COIL: variants seen among roughly 807,000 people sequenced by gnomAD.
COIL encodes coilin, also known as coilin p80.
A neutral mutation model predicts 51.6 loss-of-function variants in COIL; 28 were observed. That is an observed-to-expected ratio of 0.54 (90% confidence interval 0.40 to 0.74). The LOEUF is 0.74. COIL is among the 30% of genes least tolerant of loss of function. The pLI, the probability that COIL is intolerant of heterozygous loss-of-function variation, is 0.00. For synonymous variants in COIL, 233 were observed against 255.8 expected (o/e 0.91, Z 0.85); for missense variants, 667 against 685.9 (o/e 0.97, Z 0.31).
chr17:56,942,143 A>T lies in COIL; in HGVS notation c.1559-20T>A, dbSNP rs1274857852. 6.4e-7 allele frequency: 1 copy of T among 1,572,174 alleles called. No homozygotes were observed. Among genetic ancestry groups the T allele is most frequent in the Non-Finnish European group, 8.8e-7 (1 of 1,141,646 alleles). On this transcript the variant is annotated intron_variant, in intron 5 of 6. Transcript: ENST00000240316. ...TCAAGGCTGAAACAAGAAGATAGGG[A>T]GGAAAGAGAGTAAGTCATTTTTCAA...
At chr17:56,946,772 T>C (rs1772586479) in intron 4 of COIL, among the ~76,000 whole-genome samples, 1 of 152,180 alleles carries the variant, frequency 6.6e-6, no homozygotes, top group East Asian at 1.9e-4. Context: ...AGACACTATC[T>C]TAAATAACTC....
Position 56,950,367 on chromosome 17 carries a change from T to C in COIL, c.875A>G (p.Asp292Gly). 1.2e-6 allele frequency: 2 copies of C among 1,614,242 alleles called. No individual in the cohort carries two copies. Among genetic ancestry groups the C allele is most frequent in the Non-Finnish European group, 1.7e-6 (2 of 1,180,054 alleles). The change falls in exon 2 of 7, where the codon GAC becomes GGC. Residue 292 changes from aspartate to glycine, a missense_variant. Transcript: ENST00000240316. ...AAAGCCAAGTTTTATAGCCAGTTTG[T>C]CTGCAGTTGTATTTTTGGTAGAGGG... The part of the protein sequence containing the change: ...EEPSTKNTTA[D>G]KLAIKLGFSL...
chr17:56,952,883 G>A (rs1336440080), intron 1 of COIL, among the ~76,000 whole-genome samples: 2 of 152,072 alleles, frequency 1.3e-5, no homozygotes, highest in African/African-American at 4.8e-5. Context: ...AAGCAATTTT[G>A]TTCCTCCATC....
chr17:56,949,391 T>C lies in COIL; in HGVS notation c.1484A>G (p.Tyr495Cys). The C allele has an allele frequency of 6.3e-7, 1 of 1,590,508 alleles. No individual in the cohort carries two copies. The highest frequency in any genetic ancestry group is 8.5e-7 in the Non-Finnish European group (1 of 1,174,754). Residue 495 changes from tyrosine to cysteine, a missense_variant, in exon 4 of 7, where the codon TAC (tyrosine) becomes TGC (cysteine). Tyr to Cys is a radical substitution (Grantham distance 194). Coordinates refer to ENST00000240316, the MANE Select transcript of COIL (RefSeq NM_004645.3). ...TSSYSPDVSD[Y>C]KEGRILSHNP... ...CTTTTAAATAAACATCCTTACCTTG[T>C]AGTCAGAGACATCAGGAGAGTAACT...
At chr17:56,941,423 A>G (rs1331331805) in intron 6 of COIL, 1 of 152,308 alleles carries the variant, frequency 6.6e-6, no homozygotes, top group Non-Finnish European at 1.5e-5. Context: ...TATAAAAATT[A>G]GCTGGGTGAG....
At chr17:56,946,416 T>C (rs748634649) in intron 5 of COIL, 26 bp downstream of exon 5, 209 of 1,495,596 alleles carry the variant, frequency 1.4e-4, no homozygotes, top group Non-Finnish European at 1.9e-4. Flanking sequence ...AGCCTACATT[T>C]TCAAATTATT....
In COIL at chr17:56,960,794, T is replaced by A; in HGVS notation, c.226A>T (p.Arg76Ter). 2 of 1,587,028 alleles carry A rather than the reference T, an allele frequency of 1.3e-6. No homozygotes were observed. Among genetic ancestry groups the A allele is most frequent in the Non-Finnish European group, 1.7e-6 (2 of 1,167,466 alleles). The change falls in exon 1 of 7, where the codon AGA (arginine) becomes TGA (stop). Residue 76 changes from arginine to a stop codon, truncating the protein, a stop_gained. Transcript: ENST00000240316. LOFTEE classifies it high-confidence loss of function. Reference sequence around the variant, plus strand: ...GCGCACCTGAGGCAGTCGTTGTCTCTCACAAGGCGCGCGCTCTCGGCGGGG... The same window carrying A: ...GCGCACCTGAGGCAGTCGTTGTCTCACACAAGGCGCGCGCTCTCGGCGGGG... ...LPPAESARLV[R>*]DNDCLRVKLE...
rs765846244 is a variant in COIL, at chr17:56,950,350, G to C, written c.892C>G (p.Leu298Val). The C allele has an allele frequency of 1.2e-6, 2 of 1,614,078 alleles. No homozygotes were observed. The highest frequency in any genetic ancestry group is 1.7e-6 in the Non-Finnish European group (2 of 1,180,050). The change falls in exon 2 of 7, where the codon CTT becomes GTT. Residue 298 changes from leucine (L) to valine (V), a missense_variant. Transcript: ENST00000240316. ...TTGCTGGGGGTAAGGCTAAAGCCAA[G>C]TTTTATAGCCAGTTTGTCTGCAGTT... ...NTTADKLAIKLGFSLTPSKGK... is the reference protein window; with the variant it reads ...NTTADKLAIKVGFSLTPSKGK...
intron 1 of COIL, among the ~76,000 whole-genome samples, chr17:56,954,723 G>T (rs771520366): frequency 5.9e-5 from 9 of 151,788 alleles, no homozygotes; most frequent in Non-Finnish European, 1.2e-4. Context: ...TGTAATCCCA[G>T]CTACTCAGGA....
intron 6 of COIL, chr17:56,939,813 T>C (rs570589376): frequency 4.6e-5 from 7 of 152,232 alleles, no homozygotes; most frequent in African/African-American, 1.7e-4. Flanking sequence ...TAAACATATT[T>C]CATCTTTCTT....
Position 56,950,300 on chromosome 17 carries a change from A to C in COIL, c.942T>G (p.Ser314=). The C allele has an allele frequency of 6.2e-7, 1 of 1,614,220 alleles. No homozygotes were observed. The highest frequency in any genetic ancestry group is 1.1e-5 in the South Asian group (1 of 91,086). The change falls in exon 2 of 7, where the codon TCT becomes TCG. Residue 314 remains serine, a synonymous_variant. Transcript: ENST00000240316. ...PSKGKTSGTT[S]SSSDSSAESD... ...ACTCTGCACTAGAGTCTGAACTGGA[A>C]GATGTTGTTCCAGAGGTCTTGCCCT...
intron 1 of COIL, among the ~76,000 whole-genome samples, chr17:56,955,760 G>A (rs979621578): frequency 5.3e-5 from 8 of 152,116 alleles, no homozygotes; most frequent in Admixed American, 1.3e-4. Flanking sequence ...GTAAGTTGGT[G>A]AATTTTTAAA....
intron 1 of COIL, among the ~76,000 whole-genome samples, chr17:56,955,348 G>C (rs139271208): frequency 6.6e-6 from 1 of 152,298 alleles, no homozygotes; most frequent in African/African-American, 2.4e-5. Context: ...ACAGGCGTGA[G>C]CCACCATGCC....
At chr17:56,952,127 C>T (rs1910385060) in intron 1 of COIL, 1 of 446,246 alleles carries the variant, frequency 2.2e-6, no homozygotes, top group Non-Finnish European at 4.3e-6. Context: ...CAGTTTCTAA[C>T]TATAATGATG....
chr17:56,946,066 A>G (rs1910243672), intron 5 of COIL, among the ~76,000 whole-genome samples: 1 of 152,166 alleles, frequency 6.6e-6, no homozygotes, highest in South Asian at 2.1e-4. Flanking sequence ...AGGCAATCTA[A>G]GTGCAGAATC....
chr17:56,945,717 T>G (rs991989020), intron 5 of COIL, among the ~76,000 whole-genome samples: 1 of 151,696 alleles, frequency 6.6e-6, no homozygotes, highest in African/African-American at 2.4e-5. Flanking sequence ...AGTTTGGGGG[T>G]TTTTAAAATA....
intron 6 of COIL, 89 bp from the exon 7 acceptor site, chr17:56,939,243 G>A: frequency 1.4e-6 from 1 of 738,226 alleles, no homozygotes; most frequent in East Asian, 2.6e-5. Context: ...CGTCTGTGTA[G>A]AATGATTGAA....
chr17:56,943,380 T>G (rs1276880047), intron 5 of COIL, among the ~76,000 whole-genome samples: 1 of 152,226 alleles, frequency 6.6e-6, no homozygotes. Context: ...ACTGGCAGTG[T>G]CAACATTCCT....
intron 6 of COIL, among the ~76,000 whole-genome samples, chr17:56,941,627 C>T (rs1027370512): frequency 6.6e-6 from 1 of 152,086 alleles, no homozygotes; most frequent in African/African-American, 2.4e-5. Context: ...AGCAAGGGGA[C>T]ATAATAGAGG....
Sources: gnomAD v4.1 joint callset for allele counts (sites outside exome capture counted in the v4.1 genomes callset) on GRCh38, gnomAD v4.1.1 for gene constraint, MANE v1.5 for transcripts, NCBI Gene and HGNC (gene_info 2026-07-23, HGNC 2026-07-21) for gene names.